Variants in DLGAP2 observed in about 807,000 individuals in gnomAD.
DLGAP2 encodes the protein disks large-associated protein 2.
A neutral mutation model predicts 100.3 loss-of-function variants in DLGAP2; 26 were observed. The observed-to-expected ratio is 0.26, with a 90% confidence interval of 0.19 to 0.36. The LOEUF is 0.36. DLGAP2 is among the 10% of genes least tolerant of loss of function. DLGAP2 has a pLI of 1.00. For missense variants in DLGAP2, 1,858 were observed against 1,453.2 expected, an observed-to-expected ratio of 1.28 and a Z score of -4.53; for synonymous variants, 886 against 630.1, an observed-to-expected ratio of 1.41 and a Z score of -6.08.
chr8:1,188,480 C>T (rs540070544), intron 2 of DLGAP2, among the ~76,000 whole-genome samples: 3 of 131,178 alleles, frequency 2.3e-5, no homozygotes, highest in South Asian at 2.4e-4. Flanking sequence ...CCGGGACTTC[C>T]GTGACGTTTC....
chr8:763,403 G>C lies in DLGAP2; in HGVS notation c.18+25578G>C, dbSNP rs549406229. Among the ~76,000 whole-genome samples the C allele has an allele frequency of 9.7e-4, 147 of 152,304 alleles. 2 individuals carry two copies. The highest frequency in any genetic ancestry group is 3.1e-3 in the South Asian group (15 of 4,824). ...TCAGAAAAACTGCTTGAATCTGAAG[G>C]GGGAGCTTCACTGTTGCTGCCGTGC... On this transcript the variant is annotated intron_variant, in intron 1 of 14. Coordinates refer to ENST00000637795, the MANE Select transcript of DLGAP2 (RefSeq NM_001346810.2).
intron 3 of DLGAP2, among the ~76,000 whole-genome samples, chr8:1,265,896 A>C (rs1311424100): frequency 6.6e-6 from 1 of 152,214 alleles, no homozygotes; most frequent in Non-Finnish European, 1.5e-5. Context: ...AACACAAAGC[A>C]CATGGTAGGA....
intron 3 of DLGAP2, among the ~76,000 whole-genome samples, chr8:1,437,813 CAAAAAAAA>C (rs59165125): frequency 3.5e-4 from 30 of 85,226 alleles, no homozygotes; most frequent in East Asian, 7.8e-4. Flanking sequence ...ACTAAAAATA[CAAAAAAAA>C]AAAAAAAAAA....
intron 2 of DLGAP2, among the ~76,000 whole-genome samples, chr8:1,210,521 G>T (rs879595017): frequency 6.6e-6 from 1 of 152,210 alleles, no homozygotes; most frequent in Non-Finnish European, 1.5e-5. Flanking sequence ...CTGCTGAAAC[G>T]TAGAATGCCC....
intron 4 of DLGAP2, among the ~76,000 whole-genome samples, chr8:1,509,259 A>C (rs1800068432): frequency 6.6e-6 from 1 of 150,558 alleles, no homozygotes; most frequent in African/African-American, 2.5e-5. Flanking sequence ...TGAACCCCGG[A>C]GGCAGAGATT....
chr8:1,250,044 C>T (rs1799003153), intron 2 of DLGAP2, among the ~76,000 whole-genome samples: 1 of 152,056 alleles, frequency 6.6e-6, no homozygotes, highest in Non-Finnish European at 1.5e-5. Context: ...CCATACCCGG[C>T]TAATTTTTGT....
intron 2 of DLGAP2, among the ~76,000 whole-genome samples, chr8:939,120 G>T (rs1402503718): frequency 1.0e-4 from 15 of 146,994 alleles, no homozygotes; most frequent in Non-Finnish European, 2.1e-4. Flanking sequence ...AGACACAGGG[G>T]CTGGGGTGCC....
chr8:1,544,849 C>G (rs1016603073), intron 4 of DLGAP2, among the ~76,000 whole-genome samples: 2 of 151,726 alleles, frequency 1.3e-5, no homozygotes, highest in Non-Finnish European at 2.9e-5. Context: ...TCTCCTGCAT[C>G]AGCCTCCTGA....
intron 1 of DLGAP2, among the ~76,000 whole-genome samples, chr8:813,324 T>C (rs1057404466): frequency 6.6e-5 from 10 of 152,140 alleles, no homozygotes; most frequent in African/African-American, 2.4e-4. Flanking sequence ...TTTATGGATA[T>C]AAATTAGGTG....
chr8:927,027 A>G lies in DLGAP2; in HGVS notation c.73+19061A>G, dbSNP rs1395196249. 4.9e-5 allele frequency: 48 copies of G among 985,300 alleles called. No homozygotes were observed. The Admixed American group carries it at 3.0e-3, about 61-fold the overall frequency. The allele number at this position is 985,300 out of a possible 1,614,324, so 61.0% of individuals were successfully genotyped here. A position where few individuals can be genotyped will look rare whatever the true frequency, so the allele number is the denominator to read the frequency against. On this transcript the variant is annotated intron_variant, in intron 2 of 14. Coordinates refer to ENST00000637795, the MANE Select transcript of DLGAP2 (RefSeq NM_001346810.2). ...CCCCGCCGAGAAAGAGAAAGAGCTC[A>G]GAGCCGGGGACTGGAGGCCTGGAGG...
intron 2 of DLGAP2, among the ~76,000 whole-genome samples, chr8:961,738 G>T (rs1200687267): frequency 6.6e-6 from 1 of 152,158 alleles, no homozygotes; most frequent in Non-Finnish European, 1.5e-5. Context: ...AGATATGAAA[G>T]AAATTTATCC....
chr8:1,278,808 AT>A (rs1373215655), intron 3 of DLGAP2, among the ~76,000 whole-genome samples: 1 of 152,216 alleles, frequency 6.6e-6, no homozygotes, highest in East Asian at 1.9e-4. Context: ...TCAGTGTTCC[AT>A]TTGGTTAAAC....
At chr8:1,222,864 A>G (rs530148010) in intron 2 of DLGAP2, among the ~76,000 whole-genome samples, 2 of 152,130 alleles carry the variant, frequency 1.3e-5, no homozygotes, top group South Asian at 4.1e-4. Flanking sequence ...AGGGGCGTTC[A>G]GATCAGACTG....
chr8:1,590,144 C>T (rs1796247700), intron 6 of DLGAP2, among the ~76,000 whole-genome samples: 1 of 152,188 alleles, frequency 6.6e-6, no homozygotes, highest in Non-Finnish European at 1.5e-5. Flanking sequence ...TTCTCCTCTT[C>T]TCATAAGAGC....
chr8:1,078,737 A>C (rs1803704882), intron 2 of DLGAP2, among the ~76,000 whole-genome samples: 1 of 152,172 alleles, frequency 6.6e-6, no homozygotes, highest in Non-Finnish European at 1.5e-5. Flanking sequence ...GTGGCATTAT[A>C]ACTCATTTCT....
At chr8:877,853 C>T (rs377013392) in intron 1 of DLGAP2, among the ~76,000 whole-genome samples, 70 of 152,320 alleles carry the variant, frequency 4.6e-4, no homozygotes, top group African/African-American at 1.5e-3. Flanking sequence ...GGCCCATAAC[C>T]ATCTGCTTTT....
intron 2 of DLGAP2, among the ~76,000 whole-genome samples, chr8:1,179,823 A>G (rs1797341998): frequency 6.6e-6 from 1 of 152,220 alleles, no homozygotes. Context: ...TTACATTTAT[A>G]CCCAGTGATT....
intron 2 of DLGAP2, among the ~76,000 whole-genome samples, chr8:944,917 G>A (rs113148850): frequency 0.021 from 3,157 of 152,220 alleles, 106 homozygotes; most frequent in African/African-American, 0.073. Flanking sequence ...TCTGGTGGGT[G>A]ATAACTGATC....
intron 3 of DLGAP2, among the ~76,000 whole-genome samples, chr8:1,348,363 T>C (rs376028121): frequency 1.3e-4 from 20 of 148,818 alleles, no homozygotes; most frequent in South Asian, 2.2e-4. Context: ...ATTGCACTCA[T>C]GGTAGCTGTG....
Sources: gnomAD v4.1 joint callset for allele counts (sites outside exome capture counted in the v4.1 genomes callset) on GRCh38, gnomAD v4.1.1 for gene constraint, MANE v1.5 for transcripts, NCBI Gene and HGNC (gene_info 2026-07-23, HGNC 2026-07-21) for gene names.